The following CSMD3 variants were observed in gnomAD, a reference collection of about 807,000 sequenced individuals.
CSMD3 encodes CUB and sushi domain-containing protein 3.
A neutral mutation model predicts 435.2 loss-of-function variants in CSMD3; 177 were observed. That is an observed-to-expected ratio of 0.41 (90% confidence interval 0.36 to 0.46). The LOEUF is 0.46. Ranked by LOEUF, CSMD3 falls within the 20% of genes least tolerant of loss-of-function variation. CSMD3 has a pLI of 0.34. For synonymous variants in CSMD3, 1,656 were observed against 1,520.5 expected (o/e 1.09, Z -2.07); for missense variants, 4,265 against 4,504.6 (o/e 0.95, Z 1.52).
At chr8:113,021,779 G>C (rs2086692889) in intron 5 of CSMD3, among the ~76,000 whole-genome samples, 1 of 152,158 alleles carries the variant, frequency 6.6e-6, no homozygotes, top group African/African-American at 2.4e-5. Context: ...TAAGGGAGTG[G>C]ACCTGAAGAA....
intron 32 of CSMD3, among the ~76,000 whole-genome samples, chr8:112,471,271 A>G (rs897305525): frequency 1.2e-4 from 18 of 152,180 alleles, no homozygotes; most frequent in African/African-American, 4.3e-4. Flanking sequence ...CTGGATAATC[A>G]TTGTTAGGAT....
intron 32 of CSMD3, among the ~76,000 whole-genome samples, chr8:112,448,813 G>T (rs894336338): frequency 2.0e-5 from 3 of 150,704 alleles, no homozygotes; most frequent in African/African-American, 7.3e-5. Flanking sequence ...GGATTAATTG[G>T]TTTCTTACAG....
chr8:112,452,458 TG>T (rs150440317), intron 32 of CSMD3, among the ~76,000 whole-genome samples: 2,666 of 152,270 alleles, frequency 0.018, 79 homozygotes, highest in African/African-American at 0.061. Flanking sequence ...TAGACAAAAA[TG>T]AAACCAGGTG....
chr8:112,524,990 A>G (rs1824716561), intron 27 of CSMD3, among the ~76,000 whole-genome samples: 1 of 151,818 alleles, frequency 6.6e-6, no homozygotes, highest in Non-Finnish European at 1.5e-5. Context: ...ATTGCCAGAA[A>G]CATTTTTATA....
intron 70 of CSMD3, among the ~76,000 whole-genome samples, chr8:112,228,046 A>T (rs1003622977): frequency 1.9e-4 from 29 of 151,386 alleles, no homozygotes; most frequent in East Asian, 3.9e-4. Context: ...CGTCTCAAAA[A>T]ATATATATAT....
intron 13 of CSMD3, among the ~76,000 whole-genome samples, chr8:112,748,708 T>TA (rs1187602837): frequency 1.3e-5 from 2 of 152,198 alleles, no homozygotes; most frequent in Non-Finnish European, 1.5e-5. Flanking sequence ...GCAAGGTATA[T>TA]ATGTACCATA....
chr8:113,427,050 AAGAC>A (rs1365115849), intron 1 of CSMD3, among the ~76,000 whole-genome samples: 3 of 151,532 alleles, frequency 2.0e-5, no homozygotes, highest in African/African-American at 7.2e-5. Context: ...TAAAATTAAA[AAGAC>A]AGGTTAAAAT....
chr8:112,899,623 ATATATATATG>A lies in CSMD3; in HGVS notation c.1633+21994_1633+22003del, dbSNP rs1174617097. Among the ~76,000 whole-genome samples, 176 of 104,582 alleles carry A rather than the reference ATATATATATG, an allele frequency of 1.7e-3. 3 individuals are homozygous for A. The highest frequency in any genetic ancestry group is 5.3e-3 in the Middle Eastern group (1 of 190). The allele number at this position is 104,582 out of a possible 152,430, so 68.6% of individuals were successfully genotyped here. On this transcript the variant is annotated intron_variant, in intron 10 of 70. Transcript: ENST00000297405. Reference sequence around the variant, plus strand: ...TTTATATATATATATATATATATATATATATATATGTATATACATATATGTGTACGCAAAT... The same window carrying A: ...TTTATATATATATATATATATATATATATATACATATATGTGTACGCAAAT...
chr8:113,092,745 C>A (rs2090045420), intron 5 of CSMD3, among the ~76,000 whole-genome samples: 1 of 151,922 alleles, frequency 6.6e-6, no homozygotes, highest in African/African-American at 2.4e-5. Flanking sequence ...GTAGAACAGT[C>A]AAATAAATGG....
At chr8:112,868,912 A>C (rs958913612) in intron 10 of CSMD3, among the ~76,000 whole-genome samples, 1 of 77,106 alleles carries the variant, frequency 1.3e-5, no homozygotes, top group African/African-American at 7.1e-5. Flanking sequence ...TACAGGTCCT[A>C]GAAGAAAACA....
rs1420519935 is a variant in CSMD3, at chr8:112,921,642, T to C, written c.1618A>G (p.Arg540Gly). ...AEVFAAWSDH[R>G]PVCKVKTCGS... ...AAAACATTACCTTTACACACAGGCCTGTGATCACTCCAAGCAGCAAAAACT... is the reference window on the plus strand; with the variant it reads ...AAAACATTACCTTTACACACAGGCCCGTGATCACTCCAAGCAGCAAAAACT... The change falls in exon 10 of 71, where the codon AGG (arginine) becomes GGG (glycine). Residue 540 changes from arginine to glycine, a missense_variant. Arg to Gly is a moderately radical substitution (Grantham distance 125, BLOSUM62 -2). This residue lies in a region of CSMD3 where 731 missense variants were observed against 755.4 expected (regional missense o/e 0.97). Coordinates refer to ENST00000297405, the MANE Select transcript of CSMD3 (RefSeq NM_198123.2). 6.2e-7 allele frequency: 1 copy of C among 1,612,670 alleles called. No homozygotes were observed. The highest frequency in any genetic ancestry group is 8.5e-7 in the Non-Finnish European group (1 of 1,178,944).
chr8:112,992,431 A>C (rs2085490107), intron 6 of CSMD3, among the ~76,000 whole-genome samples: 1 of 151,784 alleles, frequency 6.6e-6, no homozygotes, highest in African/African-American at 2.4e-5. Context: ...CTGATTGTGA[A>C]TATCCGGGTT....
At chr8:113,403,451 G>A (rs1305915790) in intron 1 of CSMD3, among the ~76,000 whole-genome samples, 1 of 151,242 alleles carries the variant, frequency 6.6e-6, no homozygotes, top group Non-Finnish European at 1.5e-5. Context: ...TTGTTAAAAT[G>A]CAGAAATTTT....
chr8:113,377,196 G>A, intron 1 of CSMD3: 2 of 1,146,468 alleles, frequency 1.7e-6, no homozygotes, highest in Non-Finnish European at 2.2e-6. Context: ...TCCAATGGCC[G>A]GAAGTTCGAG....
intron 45 of CSMD3, among the ~76,000 whole-genome samples, chr8:112,328,710 G>A (rs528683195): frequency 3.3e-5 from 5 of 152,132 alleles, no homozygotes; most frequent in East Asian, 3.9e-4. Context: ...TGGTTTCCCC[G>A]ATACTGTTCT....
chr8:113,282,155 A>T (rs1208456185), intron 2 of CSMD3, among the ~76,000 whole-genome samples: 1 of 152,038 alleles, frequency 6.6e-6, no homozygotes, highest in Non-Finnish European at 1.5e-5. Context: ...ATTCCCTCTG[A>T]GAACTGGAAC....
At chr8:112,431,528 G>A (rs1813710021) in intron 32 of CSMD3, among the ~76,000 whole-genome samples, 4 of 152,092 alleles carry the variant, frequency 2.6e-5, no homozygotes, top group Admixed American at 2.6e-4. Context: ...AAAAATGAAT[G>A]GTGATGAGGT....
intron 51 of CSMD3, 86 bp downstream of exon 51, chr8:112,305,921 T>C: frequency 1.7e-6 from 2 of 1,192,620 alleles, no homozygotes; most frequent in East Asian, 2.3e-5. Context: ...TAGGGATTGG[T>C]TTTTATAATT....
intron 4 of CSMD3, among the ~76,000 whole-genome samples, chr8:113,160,608 C>T (rs1372763348): frequency 2.0e-5 from 3 of 149,638 alleles, no homozygotes; most frequent in East Asian, 3.9e-4. Context: ...TCCCCAGGAC[C>T]TTTGAGTCCA....
Sources: gnomAD v4.1 joint callset for allele counts (sites outside exome capture counted in the v4.1 genomes callset) on GRCh38, gnomAD v4.1.1 for gene constraint, gnomAD v4.1.1 regional missense constraint, MANE v1.5 for transcripts, NCBI Gene and HGNC (gene_info 2026-07-23, HGNC 2026-07-21) for gene names.